CELF2: variants seen among roughly 807,000 people sequenced by gnomAD.
The protein encoded by CELF2 is CUG triplet repeat RNA-binding protein 2.
A neutral mutation model predicts 62.6 loss-of-function variants in CELF2; 8 were observed. The ratio of observed to expected loss-of-function variants is 0.13; its 90% confidence interval spans 0.07 to 0.23. The LOEUF (loss-of-function observed/expected upper bound fraction) is 0.23. Among genes scored for constraint, CELF2 ranks in the 10% least tolerant of loss-of-function variants. The pLI, the probability that CELF2 is intolerant of heterozygous loss-of-function variation, is 1.00. For synonymous variants in CELF2, 258 were observed against 250.0 expected (o/e 1.03, Z -0.30); for missense variants, 333 against 671.0 (o/e 0.50, Z 5.56).
rs372207958 is a variant in CELF2 at position 11,028,568 on chromosome 10, C to T, written c.74+10405C>T. Among the ~76,000 whole-genome samples the T allele has an allele frequency of 6.0e-4, 90 of 151,040 alleles. 1 individual carries two copies. The highest frequency in any genetic ancestry group is 1.6e-3 in the Admixed American group (25 of 15,162). On this transcript the variant is annotated intron_variant, in intron 1 of 12. Transcript: ENST00000633077. ...CCGAGTAGCTGGGATTACAGGCGCC[C>T]GCCACCATGCCCTGCTAATTTTTTG...
chr10:10,618,378 T>C, the CELF2 span, among the ~76,000 whole-genome samples: 21 of 152,234 alleles, frequency 1.4e-4, no homozygotes, highest in African/African-American at 7.2e-5. Flanking sequence ...CATTTATACC[T>C]CAGGGCCTTT....
chr10:11,031,006 T>A (rs1271125569), intron 1 of CELF2: 1 of 152,216 alleles, frequency 6.6e-6, no homozygotes, highest in Non-Finnish European at 1.5e-5. Flanking sequence ...TAACGGTATA[T>A]TTTATGAAGA....
At chr10:10,744,303 T>C in the CELF2 span, among the ~76,000 whole-genome samples, 1 of 152,258 alleles carries the variant, frequency 6.6e-6, no homozygotes. Context: ...TTTCAGTGCC[T>C]GGAGATATCA....
chr10:10,547,067 A>C, the CELF2 span, among the ~76,000 whole-genome samples: 1 of 152,202 alleles, frequency 6.6e-6, no homozygotes, highest in Admixed American at 6.5e-5. Context: ...AGATCACGCC[A>C]CTGCACTCTA....
At chr10:10,788,709 C>T in the CELF2 span, among the ~76,000 whole-genome samples, 194 of 152,138 alleles carry the variant, frequency 1.3e-3, 2 homozygotes, top group African/African-American at 4.6e-3. Flanking sequence ...GTGATCTGCC[C>T]GCCTTAACCT....
the CELF2 span, among the ~76,000 whole-genome samples, chr10:10,588,177 C>T: frequency 1.3e-5 from 2 of 152,184 alleles, no homozygotes; most frequent in South Asian, 2.1e-4. Flanking sequence ...CGCTGATGGC[C>T]CCGTGACCCA....
intron 1 of CELF2, among the ~76,000 whole-genome samples, chr10:11,125,796 G>A (rs2058586397): frequency 6.6e-6 from 1 of 152,078 alleles, no homozygotes; most frequent in African/African-American, 2.4e-5. Flanking sequence ...CATTTATACT[G>A]TTTGTTTTTG....
At chr10:11,149,135 A>G (rs1458864930) in intron 1 of CELF2, among the ~76,000 whole-genome samples, 1 of 151,874 alleles carries the variant, frequency 6.6e-6, no homozygotes, top group African/African-American at 2.4e-5. Flanking sequence ...CAGTGGTGCG[A>G]TCTTGGCTCA....
chr10:10,538,743 G>C, the CELF2 span, among the ~76,000 whole-genome samples: 1 of 152,196 alleles, frequency 6.6e-6, no homozygotes, highest in South Asian at 2.1e-4. Flanking sequence ...TGAAGGAAAG[G>C]AGAAACATCA....
At chr10:10,617,110 T>A in the CELF2 span, among the ~76,000 whole-genome samples, 1 of 152,156 alleles carries the variant, frequency 6.6e-6, no homozygotes, top group African/African-American at 2.4e-5. Flanking sequence ...ATAACAATTT[T>A]ACATACAGCA....
the CELF2 span, among the ~76,000 whole-genome samples, chr10:10,748,924 G>T: frequency 1.3e-5 from 2 of 152,176 alleles, no homozygotes; most frequent in South Asian, 4.2e-4. Flanking sequence ...AAGCAATAGG[G>T]TTTGCTGTGT....
rs1444534097 is a variant in CELF2, at chr10:11,269,463, G to GA, written c.619-1201dup. ...AGAAAAGAGAAACATGACCCAAAGG[G>GA]AATGGAACAGAGAATCACATTTAAA... On this transcript the variant is annotated intron_variant, in intron 6 of 12. Coordinates refer to ENST00000633077, the MANE Select transcript of CELF2 (RefSeq NM_001326342.2). The surrounding 1 kb of genome is among the most constrained non-coding windows in gnomAD (Gnocchi z 4.4). Among the ~76,000 whole-genome samples the GA allele has an allele frequency of 1.3e-5, 2 of 152,154 alleles. No homozygotes were observed. Among genetic ancestry groups the GA allele is most frequent in the African/African-American group, 2.4e-5 (1 of 41,430 alleles).
the CELF2 span, among the ~76,000 whole-genome samples, chr10:10,468,398 A>G: frequency 6.6e-6 from 1 of 151,914 alleles, no homozygotes; most frequent in Non-Finnish European, 1.5e-5. Flanking sequence ...TGTCTTCACG[A>G]TCATACTGGT....
the CELF2 span, among the ~76,000 whole-genome samples, chr10:10,624,979 G>A: frequency 3.3e-5 from 5 of 152,276 alleles, no homozygotes; most frequent in East Asian, 1.9e-4. Flanking sequence ...TTTTATCACC[G>A]CTGTCACTGC....
intron 8 of CELF2, among the ~76,000 whole-genome samples, chr10:11,282,582 GCTT>G (rs1405720849): frequency 4.6e-5 from 7 of 152,224 alleles, no homozygotes; most frequent in Admixed American, 4.6e-4. Context: ...TAGTCTGAGA[GCTT>G]CTTTTTTGAG....
chr10:10,956,840 T>A (rs1289852999), intron 2 of CELF2, among the ~76,000 whole-genome samples: 1 of 151,774 alleles, frequency 6.6e-6, no homozygotes, highest in Non-Finnish European at 1.5e-5. Context: ...AGGCTGAGGC[T>A]GGAGGATCAC....
chr10:10,782,807 GCCATCGTGC>G, the CELF2 span, among the ~76,000 whole-genome samples: 1 of 152,172 alleles, frequency 6.6e-6, no homozygotes, highest in African/African-American at 2.4e-5. Flanking sequence ...CGGTTTCTCA[GCCATCGTGC>G]CCCCTGGTCT....
the CELF2 span, among the ~76,000 whole-genome samples, chr10:10,745,307 G>C: frequency 1.3e-5 from 2 of 151,998 alleles, no homozygotes; most frequent in Non-Finnish European, 2.9e-5. Flanking sequence ...TCATCACCTT[G>C]ATTTCTTACT....
At chr10:10,818,266 G>A (rs561575901) in intron 1 of CELF2, among the ~76,000 whole-genome samples, 2 of 152,314 alleles carry the variant, frequency 1.3e-5, no homozygotes, top group Non-Finnish European at 2.9e-5. Flanking sequence ...GCCAGGAAAA[G>A]ACAGCTCTGT....
Sources: gnomAD v4.1 joint callset for allele counts (sites outside exome capture counted in the v4.1 genomes callset) on GRCh38, gnomAD v4.1.1 for gene constraint, Gnocchi (gnomAD v3.1) non-coding constraint, MANE v1.5 for transcripts, NCBI Gene and HGNC (gene_info 2026-07-23, HGNC 2026-07-21) for gene names.